The following FOXP1 variants were observed in gnomAD, a reference collection of about 807,000 sequenced individuals.
The protein encoded by FOXP1 is forkhead box protein P1.
Under a neutral mutation model 98.2 loss-of-function variants are expected in FOXP1, and 15 were observed. The ratio of observed to expected loss-of-function variants is 0.15; its 90% CI spans 0.10 to 0.24. FOXP1 has a LOEUF of 0.24. Among genes scored for constraint, FOXP1 ranks in the 10% least tolerant of loss-of-function variants. The pLI is 1.00. For missense variants in FOXP1, 633 were observed against 848.5 expected (o/e 0.75, Z 3.15); for synonymous variants, 371 against 314.5 (o/e 1.18, Z -1.90).
intron 5 of FOXP1, among the ~76,000 whole-genome samples, chr3:71,209,232 A>T (rs1444739775): frequency 1.3e-5 from 2 of 152,228 alleles, no homozygotes; most frequent in African/African-American, 4.8e-5. Context: ...ACATGGTTTA[A>T]ACTACTAAAG....
chr3:71,078,486 T>C (rs1421812103), intron 7 of FOXP1, among the ~76,000 whole-genome samples: 3 of 152,212 alleles, frequency 2.0e-5, no homozygotes, highest in Non-Finnish European at 4.4e-5. Context: ...TGTCATTTTA[T>C]GGCTGTGAGT....
intron 7 of FOXP1, among the ~76,000 whole-genome samples, chr3:71,107,319 T>C (rs1381226723): frequency 1.3e-5 from 2 of 152,216 alleles, no homozygotes; most frequent in African/African-American, 4.8e-5. Context: ...TTGAAGTTCA[T>C]GAAATCCCTA....
At chr3:71,565,601 G>C (rs895882123) in intron 2 of FOXP1, among the ~76,000 whole-genome samples, 3 of 152,188 alleles carry the variant, frequency 2.0e-5, no homozygotes, top group Admixed American at 6.5e-5. Context: ...ACTTGGTATA[G>C]TACCTAGTAT....
intron 9 of FOXP1, 32 bp from the exon 10 acceptor site, chr3:71,047,127 G>C: frequency 6.2e-7 from 1 of 1,613,236 alleles, no homozygotes; most frequent in Non-Finnish European, 8.5e-7. Flanking sequence ...AAATGAGATG[G>C]CCACTTCCCA....
chr3:71,121,386 G>C (rs1039614721), intron 6 of FOXP1, among the ~76,000 whole-genome samples: 2 of 151,656 alleles, frequency 1.3e-5, no homozygotes, highest in African/African-American at 4.9e-5. Flanking sequence ...AAAAGGGGGG[G>C]GGGATATCTA....
chr3:71,464,560 G>A (rs1472818592), intron 3 of FOXP1, among the ~76,000 whole-genome samples: 1 of 152,158 alleles, frequency 6.6e-6, no homozygotes, highest in East Asian at 1.9e-4. Flanking sequence ...CCTGGGAGTT[G>A]GGAAGTCAAG....
In FOXP1 at chr3:71,326,923, G is replaced by C. The variant is rs140241641; in HGVS notation, c.-72-27043C>G. 7.0e-4 allele frequency among the ~76,000 whole-genome samples: 107 copies of C among 152,288 alleles called. 1 individual carries two copies. Among genetic ancestry groups the C allele is most frequent in the Non-Finnish European group, 1.1e-3 (78 of 68,022 alleles). ...AATAGTTGGAGGAAGTCATTAGAAA[G>C]AGAAATGTGTACCAGGCACAGCATT... is the stretch of plus-strand genomic sequence containing the variant. On this transcript the variant is annotated intron_variant, in intron 4 of 20. Coordinates refer to ENST00000649528, the MANE Select transcript of FOXP1 (RefSeq NM_001349338.3).
intron 13 of FOXP1, among the ~76,000 whole-genome samples, chr3:70,999,619 A>C (rs1458799299): frequency 6.6e-6 from 1 of 152,240 alleles, no homozygotes; most frequent in Non-Finnish European, 1.5e-5. Context: ...CTGGCTAACA[A>C]AAATAACTTT....
intron 6 of FOXP1, among the ~76,000 whole-genome samples, chr3:71,144,514 G>T (rs542888879): frequency 2.0e-5 from 3 of 152,222 alleles, no homozygotes; most frequent in Non-Finnish European, 4.4e-5. Context: ...GGTAAGATGG[G>T]TTGGCAGAAA....
chr3:71,557,035 A>G (rs1046732117), intron 2 of FOXP1, among the ~76,000 whole-genome samples: 9 of 152,256 alleles, frequency 5.9e-5, no homozygotes, highest in Non-Finnish European at 7.3e-5. Context: ...GAAAATGAGC[A>G]GGAAACAAAA....
At chr3:71,096,883 A>T (rs954560209) in intron 7 of FOXP1, among the ~76,000 whole-genome samples, 4 of 152,144 alleles carry the variant, frequency 2.6e-5, no homozygotes, top group African/African-American at 9.7e-5. Flanking sequence ...CCAAAAAATT[A>T]CTAGTTTCAC....
At chr3:71,384,208 C>T (rs939719860) in intron 3 of FOXP1, among the ~76,000 whole-genome samples, 15 of 152,080 alleles carry the variant, frequency 9.9e-5, no homozygotes, top group Admixed American at 7.9e-4. Context: ...AGTGGGACTC[C>T]GTCTCAGCAA....
At chr3:71,181,259 C>T (rs141503677) in intron 6 of FOXP1, among the ~76,000 whole-genome samples, 27 of 152,340 alleles carry the variant, frequency 1.8e-4, no homozygotes, top group Non-Finnish European at 3.4e-4. Context: ...CTGACCTCCA[C>T]CTTTGGGTCC....
chr3:71,264,725 T>C (rs1407251325), intron 5 of FOXP1, among the ~76,000 whole-genome samples: 1 of 152,218 alleles, frequency 6.6e-6, no homozygotes, highest in Non-Finnish European at 1.5e-5. Flanking sequence ...CACCCTGTAG[T>C]TCAGCTGGAG....
At chr3:71,437,924 A>G (rs991227319) in intron 3 of FOXP1, among the ~76,000 whole-genome samples, 3 of 152,176 alleles carry the variant, frequency 2.0e-5, no homozygotes, top group Non-Finnish European at 2.9e-5. Context: ...TGTACACGAA[A>G]TTGAGTCAAA....
intron 5 of FOXP1, among the ~76,000 whole-genome samples, chr3:71,208,581 C>A (rs2064225789): frequency 8.2e-6 from 1 of 122,076 alleles, no homozygotes; most frequent in Admixed American, 7.8e-5. Context: ...ACAGACCTTG[C>A]AGGATAAACT....
chr3:71,444,869 G>T (rs1040205639), intron 3 of FOXP1, among the ~76,000 whole-genome samples: 11 of 152,178 alleles, frequency 7.2e-5, no homozygotes, highest in Non-Finnish European at 1.6e-4. Flanking sequence ...TAACCCAAGG[G>T]ATTGGGGGGA....
At chr3:71,197,855 A>AT in intron 6 of FOXP1, 1 of 1,610,444 alleles carries the variant, frequency 6.2e-7, no homozygotes, top group Non-Finnish European at 8.5e-7. Flanking sequence ...TTTAATTTTT[A>AT]TTTTTGCATG....
intron 6 of FOXP1, among the ~76,000 whole-genome samples, chr3:71,195,430 G>A (rs1448038432): frequency 6.6e-6 from 1 of 152,136 alleles, no homozygotes; most frequent in Non-Finnish European, 1.5e-5. Context: ...GATGGTATTG[G>A]TGCAACTGGA....
Sources: gnomAD v4.1 joint callset for allele counts (sites outside exome capture counted in the v4.1 genomes callset) on GRCh38, gnomAD v4.1.1 for gene constraint, MANE v1.5 for transcripts, NCBI Gene and HGNC (gene_info 2026-07-23, HGNC 2026-07-21) for gene names.